TMTC1: variants seen among roughly 807,000 people sequenced by gnomAD.
TMTC1 encodes protein O-mannosyl-transferase TMTC1.
In TMTC1, 73 loss-of-function variants were observed where a neutral mutation model predicts 104.8. The ratio of observed to expected loss-of-function variants is 0.70; its 90% CI spans 0.58 to 0.85. The LOEUF (loss-of-function observed/expected upper bound fraction) is 0.85, where lower values mean the gene tolerates loss of function less well. Among genes scored for constraint, TMTC1 ranks in the 40% least tolerant of loss-of-function variants. The pLI is 0.00. For missense variants in TMTC1, 1,035 were observed against 1,096.1 expected (o/e 0.94, Z 0.79); for synonymous variants, 434 against 428.7 (o/e 1.01, Z -0.15).
chr12:29,673,108 G>A (rs1174424828), intron 5 of TMTC1, among the ~76,000 whole-genome samples: 1 of 152,186 alleles, frequency 6.6e-6, no homozygotes, highest in Non-Finnish European at 1.5e-5. Context: ...ACTTTGAGAA[G>A]ATTTCAGTTT....
At chr12:29,744,887 C>T (rs1942911502) in intron 5 of TMTC1, among the ~76,000 whole-genome samples, 1 of 152,124 alleles carries the variant, frequency 6.6e-6, no homozygotes, top group Admixed American at 6.5e-5. Flanking sequence ...TTAACACTAA[C>T]TGACAAAGTT....
intron 14 of TMTC1, among the ~76,000 whole-genome samples, chr12:29,516,756 C>T (rs1468990734): frequency 2.0e-5 from 3 of 152,164 alleles, no homozygotes; most frequent in African/African-American, 4.8e-5. Flanking sequence ...AAAGGTTGAC[C>T]AAATAAGTCA....
chr12:29,649,537 C>T (rs1296502080), intron 5 of TMTC1, among the ~76,000 whole-genome samples: 1 of 152,204 alleles, frequency 6.6e-6, no homozygotes, highest in Non-Finnish European at 1.5e-5. Context: ...GCCCTCACCA[C>T]CCTTCTAGAG....
chr12:29,772,108 C>G (rs886366060), intron 1 of TMTC1, among the ~76,000 whole-genome samples: 1 of 152,156 alleles, frequency 6.6e-6, no homozygotes, highest in Non-Finnish European at 1.5e-5. Context: ...CTAGGTTTAG[C>G]CTGCAGGTTG....
At chr12:29,513,574 A>T (rs987822525) in intron 16 of TMTC1, among the ~76,000 whole-genome samples, 4 of 152,156 alleles carry the variant, frequency 2.6e-5, no homozygotes, top group African/African-American at 9.7e-5. Flanking sequence ...TTATTTCCCA[A>T]CACAATTGTA....
intron 10 of TMTC1, among the ~76,000 whole-genome samples, chr12:29,547,899 A>G: frequency 6.6e-6 from 1 of 152,236 alleles, no homozygotes; most frequent in East Asian, 1.9e-4. Context: ...GCAATGAAAT[A>G]AAGAGCTTCA....
chr12:29,577,648 A>G (rs11050300), intron 8 of TMTC1, among the ~76,000 whole-genome samples: 28,624 of 152,104 alleles, frequency 0.19, 3,154 homozygotes, highest in East Asian at 0.39. Context: ...TGGTCCAGTC[A>G]TAAGTGACAG....
intron 6 of TMTC1, among the ~76,000 whole-genome samples, chr12:29,617,991 G>A (rs980433014): frequency 1.3e-5 from 2 of 152,166 alleles, no homozygotes; most frequent in Non-Finnish European, 2.9e-5. Context: ...GGACCTTGGC[G>A]CAAGGGTAGA....
intron 5 of TMTC1, among the ~76,000 whole-genome samples, chr12:29,651,528 G>C (rs1031885898): frequency 2.0e-5 from 3 of 152,144 alleles, no homozygotes; most frequent in African/African-American, 7.2e-5. Context: ...CTCTCCCTCT[G>C]CTACACTGAC....
At chr12:29,586,034 T>C (rs976164256) in intron 7 of TMTC1, among the ~76,000 whole-genome samples, 5 of 152,152 alleles carry the variant, frequency 3.3e-5, no homozygotes, top group African/African-American at 9.7e-5. Flanking sequence ...TTGGGCAGTA[T>C]GGCCATTTTC....
chr12:29,525,043 G>A (rs1944296233), intron 11 of TMTC1, among the ~76,000 whole-genome samples: 2 of 146,494 alleles, frequency 1.4e-5, no homozygotes, highest in Admixed American at 1.3e-4. Context: ...TTTATCTTAA[G>A]GTTTCAAATG....
chr12:29,533,072 T>A (rs552610314), intron 11 of TMTC1: 1 of 152,170 alleles, frequency 6.6e-6, no homozygotes. Flanking sequence ...AAATACACCA[T>A]GTGTTTTCCA....
intron 5 of TMTC1, among the ~76,000 whole-genome samples, chr12:29,656,638 A>T (rs188824819): frequency 8.5e-5 from 13 of 152,316 alleles, no homozygotes; most frequent in Admixed American, 5.2e-4. Context: ...GAATATAAAG[A>T]TATGGATATT....
intron 3 of TMTC1, among the ~76,000 whole-genome samples, chr12:29,757,150 C>A (rs193188595): frequency 6.6e-6 from 1 of 152,284 alleles, no homozygotes; most frequent in African/African-American, 2.4e-5. Flanking sequence ...AAGCCAGGAG[C>A]AGAAGACTTA....
chr12:29,729,647 C>T (rs927291875), intron 5 of TMTC1, among the ~76,000 whole-genome samples: 4 of 152,148 alleles, frequency 2.6e-5, no homozygotes, highest in African/African-American at 9.7e-5. Flanking sequence ...CTGTGACTTC[C>T]ATGGGGTTAC....
chr12:29,521,255 T>C (rs1944147329), intron 11 of TMTC1, among the ~76,000 whole-genome samples: 1 of 152,200 alleles, frequency 6.6e-6, no homozygotes, highest in Admixed American at 6.5e-5. Context: ...GGGAGGCAGA[T>C]GCAGATGTTG....
intron 5 of TMTC1, among the ~76,000 whole-genome samples, chr12:29,717,816 C>G (rs1942127473): frequency 6.6e-6 from 1 of 152,068 alleles, no homozygotes; most frequent in African/African-American, 2.4e-5. Context: ...AAAAGACATG[C>G]ACATCATTAT....
At chr12:29,630,999 T>C (rs1176464093) in intron 6 of TMTC1, among the ~76,000 whole-genome samples, 5 of 152,244 alleles carry the variant, frequency 3.3e-5, no homozygotes, top group Admixed American at 6.5e-5. Flanking sequence ...TGAAGTTCTC[T>C]AATGACTAAT....
intron 17 of TMTC1, 79 bp from the exon 18 acceptor site, chr12:29,507,065 G>A (rs565767735): frequency 2.4e-6 from 3 of 1,224,910 alleles, no homozygotes; most frequent in African/African-American, 1.5e-5. Context: ...CTAAGAAACT[G>A]ACCCTCTGCC....
Sources: gnomAD v4.1 joint callset for allele counts (sites outside exome capture counted in the v4.1 genomes callset) on GRCh38, gnomAD v4.1.1 for gene constraint, MANE v1.5 for transcripts, NCBI Gene and HGNC (gene_info 2026-07-23, HGNC 2026-07-21) for gene names.